Variants in KLHL1 observed in about 807,000 individuals in gnomAD.
KLHL1 encodes kelch-like protein 1.
KLHL1 carries 47 observed loss-of-function variants against 77.7 expected under a neutral mutation model. The observed-to-expected ratio is 0.60, with a 90% confidence interval of 0.48 to 0.77. The LOEUF (loss-of-function observed/expected upper bound fraction) is 0.77, where lower values mean the gene tolerates loss of function less well. Among genes scored for constraint, KLHL1 ranks in the 30% least tolerant of loss-of-function variants. KLHL1 has a pLI of 0.00. For synonymous variants in KLHL1, 360 were observed against 325.2 expected (o/e 1.11, Z -1.15); for missense variants, 925 against 910.8 (o/e 1.02, Z -0.20).
At chr13:69,725,122 A>G (rs771420088) in intron 8 of KLHL1, among the ~76,000 whole-genome samples, 13 of 152,156 alleles carry the variant, frequency 8.5e-5, no homozygotes, top group Non-Finnish European at 1.6e-4. Flanking sequence ...CATTATCTTT[A>G]TGATTCTGGT....
intron 5 of KLHL1, among the ~76,000 whole-genome samples, chr13:69,842,430 T>C (rs763543820): frequency 1.3e-5 from 2 of 151,798 alleles, no homozygotes; most frequent in Non-Finnish European, 2.9e-5. Context: ...GCCCAACAGG[T>C]ATATGCTAAA....
At chr13:69,821,864 A>T (rs1365101329) in intron 6 of KLHL1, among the ~76,000 whole-genome samples, 1 of 152,132 alleles carries the variant, frequency 6.6e-6, no homozygotes, top group African/African-American at 2.4e-5. Flanking sequence ...ACTTAAGCTA[A>T]ACCATGGCAG....
At chr13:70,101,439 T>A (rs568349745) in intron 1 of KLHL1, among the ~76,000 whole-genome samples, 1 of 152,078 alleles carries the variant, frequency 6.6e-6, no homozygotes, top group East Asian at 1.9e-4. Flanking sequence ...ATATATAATT[T>A]TTTTTTAAGA....
At chr13:69,870,207 C>A (rs1880525839) in intron 5 of KLHL1, among the ~76,000 whole-genome samples, 1 of 152,132 alleles carries the variant, frequency 6.6e-6, no homozygotes, top group African/African-American at 2.4e-5. Flanking sequence ...GATGCTGCCA[C>A]TCGTAGTGGA....
chr13:69,729,185 T>G (rs1426794601), intron 8 of KLHL1, among the ~76,000 whole-genome samples: 1 of 152,288 alleles, frequency 6.6e-6, no homozygotes, highest in East Asian at 1.9e-4. Flanking sequence ...TTTTTGTGTG[T>G]GTTTTCTTTA....
At chr13:69,915,982 T>A in intron 4 of KLHL1, among the ~76,000 whole-genome samples, 1 of 152,020 alleles carries the variant, frequency 6.6e-6, no homozygotes. Context: ...AACAGACACA[T>A]GAAAAAATGC....
At chr13:70,024,270 GTT>G (rs967294911) in intron 1 of KLHL1, among the ~76,000 whole-genome samples, 5 of 151,786 alleles carry the variant, frequency 3.3e-5, no homozygotes, top group Admixed American at 6.6e-5. Flanking sequence ...AATTTTTAAA[GTT>G]TTGACAATTT....
At chr13:70,022,458 A>T (rs1232746153) in intron 1 of KLHL1, among the ~76,000 whole-genome samples, 3 of 151,862 alleles carry the variant, frequency 2.0e-5, no homozygotes. Flanking sequence ...ATTCTGTGGC[A>T]TGGTCTTCAT....
At chr13:69,958,101 A>G (rs911957485) in intron 3 of KLHL1, among the ~76,000 whole-genome samples, 1 of 151,766 alleles carries the variant, frequency 6.6e-6, no homozygotes, top group African/African-American at 2.4e-5. Context: ...TCACAAAGAC[A>G]TTACTGGGTT....
intron 6 of KLHL1, among the ~76,000 whole-genome samples, chr13:69,828,425 C>T (rs74408932): frequency 0.015 from 2,329 of 150,298 alleles, 233 homozygotes; most frequent in African/African-American, 0.054. Context: ...CTTTATCTCA[C>T]AGGGGTTCTT....
intron 4 of KLHL1, among the ~76,000 whole-genome samples, chr13:69,885,773 G>A (rs1396913470): frequency 6.6e-6 from 1 of 152,024 alleles, no homozygotes; most frequent in African/African-American, 2.4e-5. Flanking sequence ...TCATCGTGAG[G>A]ACAAAATGGA....
chr13:70,043,613 T>G (rs958064109), intron 1 of KLHL1, among the ~76,000 whole-genome samples: 17 of 152,216 alleles, frequency 1.1e-4, no homozygotes, highest in African/African-American at 4.1e-4. Context: ...TCATTTTTAC[T>G]GTACCTTTTC....
chr13:69,725,304 A>G (rs1873246463), intron 8 of KLHL1, among the ~76,000 whole-genome samples: 2 of 152,150 alleles, frequency 1.3e-5, no homozygotes. Context: ...GTTAACCCTC[A>G]TGTCTTGATG....
At chr13:69,714,141 C>G (rs1375020776) in intron 9 of KLHL1, among the ~76,000 whole-genome samples, 2 of 152,008 alleles carry the variant, frequency 1.3e-5, no homozygotes, top group Non-Finnish European at 2.9e-5. Flanking sequence ...TTTCTGCTTC[C>G]CTTCTCAATA....
chr13:70,104,966 G>A (rs1014533844), intron 1 of KLHL1, among the ~76,000 whole-genome samples: 2 of 151,962 alleles, frequency 1.3e-5, no homozygotes, highest in African/African-American at 4.8e-5. Flanking sequence ...AGTTTTACTA[G>A]TGTGGTTTTC....
At position 69,767,479 on chromosome 13, in the gene KLHL1, T is replaced by A. The variant is rs537857892; in HGVS notation, c.1640-26923A>T. Among the ~76,000 whole-genome samples the A allele has an allele frequency of 1.6e-4, 25 of 152,250 alleles. 1 individual carries two copies. The East Asian group carries it at 4.1e-3, about 25-fold the overall frequency. On this transcript the variant is annotated intron_variant, in intron 7 of 10. Transcript: ENST00000377844. ...TCGGAGGCTGAGGTGGGAGAATGGC[T>A]TGAGGCCAGGAGTTTGAGACCAGCC...
intron 4 of KLHL1, chr13:69,895,079 A>T (rs2138215839): frequency 2.1e-6 from 1 of 475,080 alleles, no homozygotes; most frequent in South Asian, 1.6e-5. Flanking sequence ...CCCACTTCGG[A>T]TCTTGCTTTC....
At chr13:69,784,693 T>C (rs1028514428) in intron 7 of KLHL1, among the ~76,000 whole-genome samples, 2 of 151,256 alleles carry the variant, frequency 1.3e-5, no homozygotes, top group South Asian at 4.2e-4. Context: ...AGCAAGTCCT[T>C]AGTGACCTAC....
chr13:69,783,620 T>G (rs1876349473), intron 7 of KLHL1, among the ~76,000 whole-genome samples: 1 of 148,286 alleles, frequency 6.7e-6, no homozygotes, highest in Non-Finnish European at 1.5e-5. Flanking sequence ...AAGGGAAGTT[T>G]AGAGAAAAAA....
Sources: gnomAD v4.1 joint callset for allele counts (sites outside exome capture counted in the v4.1 genomes callset) on GRCh38, gnomAD v4.1.1 for gene constraint, MANE v1.5 for transcripts, NCBI Gene and HGNC (gene_info 2026-07-23, HGNC 2026-07-21) for gene names.